Variants in ZNF486 observed in about 807,000 individuals in gnomAD.
ZNF486 encodes the protein zinc finger protein 486, also known as KRAB box only protein 2.
Under a neutral mutation model 12.8 loss-of-function variants are expected in ZNF486, and 12 were observed. That is an observed-to-expected ratio of 0.94 (90% confidence interval 0.60 to 1.52). The LOEUF is 1.52. Ranked by LOEUF, ZNF486 falls within the 40% of genes most tolerant of loss-of-function variation. ZNF486 has a pLI of 0.00. For missense variants in ZNF486, 738 were observed against 545.0 expected, an observed-to-expected ratio of 1.35 and a Z score of -3.53; for synonymous variants, 231 against 184.9, an observed-to-expected ratio of 1.25 and a Z score of -2.02.
chr19:20,167,351 C>T lies in ZNF486; in HGVS notation c.21C>T (p.Ser7=), dbSNP rs1555713157. The T allele has an allele frequency of 1.9e-6, 3 of 1,613,764 alleles. No individual in the cohort carries two copies. The highest frequency in any genetic ancestry group is 2.2e-5 in the East Asian group (1 of 44,874). Residue 7 remains serine (S), a synonymous_variant, in exon 1 of 4, where the codon AGC becomes AGT. Coordinates refer to ENST00000335117, the MANE Select transcript of ZNF486 (RefSeq NM_052852.4). ...CCAAGATGCCGGGACCCCTTAGAAG[C>T]CTAGAAATGGTGAGAGTGCCCATTG... MPGPLR[S]LEMESLQFRD...
At chr19:20,172,881 T>C (rs567392622) in intron 1 of ZNF486, among the ~76,000 whole-genome samples, 22 of 152,268 alleles carry the variant, frequency 1.4e-4, no homozygotes, top group Admixed American at 5.9e-4. Context: ...GACCTCGTGA[T>C]ACACCCGCCT....
chr19:20,197,304 T>C lies in ZNF486; in HGVS notation c.594T>C (p.Thr198=), dbSNP rs1202491979. Residue 198 remains threonine (T), a synonymous_variant, in exon 4 of 4, where the codon ACT becomes ACC. Transcript: ENST00000335117. ...DKAFNQSSTH[T]THKKIDTGEK... ...CTTTTAACCAGTCCTCAACCCATAC[T>C]ACACATAAAAAAATTGATACTGGAG... is the stretch of plus-strand genomic sequence containing the variant. 4.3e-6 allele frequency: 7 copies of C among 1,612,218 alleles called. No individual in the cohort carries two copies. Among genetic ancestry groups the C allele is most frequent in the Non-Finnish European group, 8.5e-7 (1 of 1,179,426 alleles).
At chr19:20,177,935 C>CTTTTTTTTTTTTTTTTTTTTTT (rs1241165221) in intron 1 of ZNF486, among the ~76,000 whole-genome samples, 5 of 145,092 alleles carry the variant, frequency 3.4e-5, no homozygotes, top group African/African-American at 5.3e-5. Flanking sequence ...AACATTTGTT[C>CTTTTTTTTTTTTTTTTTTTTTT]TTTTTTTTTG....
chr19:20,194,166 C>T (rs544250541), intron 3 of ZNF486, among the ~76,000 whole-genome samples: 2 of 152,096 alleles, frequency 1.3e-5, no homozygotes. Flanking sequence ...GATATCTTTT[C>T]CAGAAAGTTA....
Position 20,186,078 on chromosome 19 carries a change from C to T in ZNF486, c.249C>T (p.Pro83=), listed in dbSNP as rs974338464. 2.8e-5 allele frequency: 45 copies of T among 1,580,016 alleles called. No individual in the cohort carries two copies. The highest frequency in any genetic ancestry group is 3.8e-5 in the Non-Finnish European group (44 of 1,167,170). The stretch of plus-strand genomic sequence containing the variant: ...AGAGACATGAGATGATTGCCAAACC[C>T]CCAGGTAGGTGCGAATGAAAATGAA... The part of the protein sequence containing the change: ...TMKRHEMIAK[P]PVVCSHFAQD... The change falls in exon 3 of 4, where the codon CCC becomes CCT. Residue 83 remains proline (P), a synonymous_variant. Coordinates refer to ENST00000335117, the MANE Select transcript of ZNF486 (RefSeq NM_052852.4).
In ZNF486 at chr19:20,176,114, C is replaced by T. The variant is rs553609920; in HGVS notation, c.31-8242C>T. ...GGGTCTCCTCACCTCTCAGATGGGG[C>T]GGCCAGGCAGAGACGCTCCTCACCT... is the stretch of plus-strand genomic sequence containing the variant. On this transcript the variant is annotated intron_variant, in intron 1 of 3. Transcript: ENST00000335117. 2.5e-3 allele frequency: 450 copies of T among 179,496 alleles called. 2 individuals carry two copies. Among genetic ancestry groups the T allele is most frequent in the African/African-American group, 0.01 (427 of 40,878 alleles). 11.1% of individuals were successfully genotyped at this position (179,496 alleles called of 1,614,324 possible). A position where few individuals can be genotyped will look rare whatever the true frequency, so the allele number is the denominator to read the frequency against.
intron 3 of ZNF486, among the ~76,000 whole-genome samples, chr19:20,187,059 A>G (rs1380367805): frequency 6.6e-6 from 1 of 152,064 alleles, no homozygotes; most frequent in African/African-American, 2.4e-5. Context: ...CTGGGATTAC[A>G]GGCATGAGCC....
chr19:20,193,621 A>G (rs564217112), intron 3 of ZNF486, among the ~76,000 whole-genome samples: 1 of 152,258 alleles, frequency 6.6e-6, no homozygotes, highest in South Asian at 2.1e-4. Flanking sequence ...AGGTCACACC[A>G]CTGTACTCCA....
At chr19:20,179,875 CA>C (rs1307521791) in intron 1 of ZNF486, among the ~76,000 whole-genome samples, 13 of 152,174 alleles carry the variant, frequency 8.5e-5, no homozygotes, top group African/African-American at 3.1e-4. Context: ...AGTGAGAGAT[CA>C]AGGCCACAAA....
chr19:20,169,896 T>TTG (rs1347373710), intron 1 of ZNF486, among the ~76,000 whole-genome samples: 2 of 145,762 alleles, frequency 1.4e-5, no homozygotes, highest in African/African-American at 5.2e-5. Flanking sequence ...ATGTTTTTTT[T>TTG]TTTTTTTTTT....
At chr19:20,186,110 A>G in intron 3 of ZNF486, 28 bp downstream of exon 3, 1 of 1,536,226 alleles carries the variant, frequency 6.5e-7, no homozygotes, top group Non-Finnish European at 8.8e-7. Flanking sequence ...TGAACACAAC[A>G]GACAATGCAG....
At chr19:20,195,868 GTCAT>G (rs1305240051) in intron 3 of ZNF486, among the ~76,000 whole-genome samples, 2 of 152,142 alleles carry the variant, frequency 1.3e-5, no homozygotes, top group African/African-American at 4.8e-5. Flanking sequence ...AACTCAAACT[GTCAT>G]TCCAATGTAT....
At chr19:20,177,763 A>G (rs1448887235) in intron 1 of ZNF486, among the ~76,000 whole-genome samples, 1 of 151,884 alleles carries the variant, frequency 6.6e-6, no homozygotes, top group Non-Finnish European at 1.5e-5. Context: ...TTTAGTAGAG[A>G]GGGGGTTTGT....
chr19:20,185,949 A>G lies in ZNF486; in HGVS notation c.158-38A>G, dbSNP rs556408452. 30 of 1,358,208 alleles carry G rather than the reference A, an allele frequency of 2.2e-5. No homozygotes were observed. The Admixed American group carries it at 3.2e-4, about 15-fold the overall frequency. The allele number at this position is 1,358,208 out of a possible 1,614,324, so 84.1% of individuals were successfully genotyped here. On this transcript the variant is annotated intron_variant, in intron 2 of 3. Transcript: ENST00000335117. ...CATTACTAGCTTGTAATTGAGAAAT[A>G]TAAGCAAGATTAATGCTATTTATTT...
intron 1 of ZNF486, among the ~76,000 whole-genome samples, chr19:20,179,109 A>G (rs2089755983): frequency 1.3e-5 from 2 of 152,224 alleles, no homozygotes; most frequent in African/African-American, 4.8e-5. Context: ...AAACTCAGAG[A>G]CATGTTAAAA....
At chr19:20,183,130 A>G (rs1389185034) in intron 1 of ZNF486, among the ~76,000 whole-genome samples, 1 of 152,076 alleles carries the variant, frequency 6.6e-6, no homozygotes, top group Admixed American at 6.6e-5. Flanking sequence ...TCTCTATGTC[A>G]TAGCTTCTTA....
At chr19:20,172,046 C>T (rs1053364784) in intron 1 of ZNF486, among the ~76,000 whole-genome samples, 1 of 151,260 alleles carries the variant, frequency 6.6e-6, no homozygotes, top group East Asian at 1.9e-4. Context: ...CTCTTGTTGT[C>T]CAGGCTGGAG....
intron 3 of ZNF486, chr19:20,188,824 G>A (rs538186212): frequency 5.3e-6 from 1 of 188,490 alleles, no homozygotes; most frequent in Admixed American, 6.1e-5. Context: ...TCTGTTTTAT[G>A]ATTTGACTAC....
chr19:20,179,445 C>T (rs2089760391), intron 1 of ZNF486, among the ~76,000 whole-genome samples: 1 of 152,106 alleles, frequency 6.6e-6, no homozygotes, highest in African/African-American at 2.4e-5. Context: ...AAGCTTGACC[C>T]AAATAAACTG....
Sources: gnomAD v4.1 joint callset for allele counts (sites outside exome capture counted in the v4.1 genomes callset) on GRCh38, gnomAD v4.1.1 for gene constraint, MANE v1.5 for transcripts, NCBI Gene and HGNC (gene_info 2026-07-23, HGNC 2026-07-21) for gene names.